CSTL1: variants seen among roughly 807,000 people sequenced by gnomAD.
CSTL1 encodes the protein cystatin like 1, also known as cystatin-like 1.
In CSTL1, 14 loss-of-function variants were observed where a neutral mutation model predicts 14.4. The ratio of observed to expected loss-of-function variants is 0.97; its 90% CI spans 0.64 to 1.52. The LOEUF is 1.52. CSTL1 is among the 40% of genes most tolerant of loss of function. CSTL1 has a pLI of 0.00. For synonymous variants in CSTL1, 72 were observed against 67.5 expected, an observed-to-expected ratio of 1.07 and a Z score of -0.33; for missense variants, 170 against 168.7, an observed-to-expected ratio of 1.01 and a Z score of -0.04.
chr20:23,454,545 T>C, the CSTL1 span, among the ~76,000 whole-genome samples: 6 of 152,164 alleles, frequency 3.9e-5, no homozygotes, highest in Admixed American at 3.3e-4. Flanking sequence ...GGAGCGCACA[T>C]CCTCCATGCC....
the CSTL1 span, chr20:23,450,730 G>T: frequency 1.9e-6 from 1 of 525,470 alleles, no homozygotes. Flanking sequence ...CAAACAGAAG[G>T]ACATTTTCTG....
chr20:23,460,554 T>A, the CSTL1 span, among the ~76,000 whole-genome samples: 3 of 152,226 alleles, frequency 2.0e-5, no homozygotes, highest in African/African-American at 7.2e-5. Flanking sequence ...CAAGTCTCAA[T>A]CATTTTTGGA....
chr20:23,440,359 T>A lies in CSTL1; in HGVS notation c.92T>A (p.Phe31Tyr). Residue 31 changes from phenylalanine (F) to tyrosine (Y), a missense_variant, in exon 2 of 4, where the codon TTC (phenylalanine) becomes TAC (tyrosine). Coordinates refer to ENST00000347397, the MANE Select transcript of CSTL1 (RefSeq NM_138283.1). ...KLGHFQRWEGFQQKLMSKKNM... is the reference protein window; with the variant it reads ...KLGHFQRWEGYQQKLMSKKNM... The stretch of plus-strand genomic sequence containing the variant: ...GGTCACTTCCAAAGGTGGGAGGGCT[T>A]CCAGCAGAAGCTCATGAGCAAGAAG... 1 of 1,614,228 alleles carries A rather than the reference T, an allele frequency of 6.2e-7. No homozygotes were observed. Among genetic ancestry groups the A allele is most frequent in the Non-Finnish European group, 8.5e-7 (1 of 1,180,042 alleles).
At position 23,440,291 on chromosome 20, in the gene CSTL1, C is replaced by A. The variant is rs765909056; in HGVS notation, c.24C>A (p.Asn8Lys). Residue 8 changes from asparagine (N) to lysine (K), a missense_variant, in exon 2 of 4, where the codon AAC (asparagine) becomes AAA (lysine). Transcript: ENST00000347397. Reference protein sequence around the residue: MGIGCWRNPLLLLIALVL... With the variant: MGIGCWRKPLLLLIALVL... Reference sequence around the variant, plus strand: ...ACATGGGGATCGGATGCTGGAGAAACCCCCTGCTGCTGCTGATTGCCCTGG... The same window carrying A: ...ACATGGGGATCGGATGCTGGAGAAAACCCCTGCTGCTGCTGATTGCCCTGG... 31 of 1,614,018 alleles carry A rather than the reference C, an allele frequency of 1.9e-5. No homozygotes were observed. Among genetic ancestry groups the A allele is most frequent in the Middle Eastern group, 1.6e-4 (1 of 6,078 alleles).
downstream of CSTL1, among the ~76,000 whole-genome samples, chr20:23,449,486 G>T (rs1439817660): frequency 6.6e-6 from 1 of 152,164 alleles, no homozygotes; most frequent in Non-Finnish European, 1.5e-5. Flanking sequence ...CAAGGCTTTT[G>T]CTTGAGCTCT....
At chr20:23,444,216 G>A (rs575110917) in intron 3 of CSTL1, among the ~76,000 whole-genome samples, 172 bp downstream of exon 3, 1 of 152,336 alleles carries the variant, frequency 6.6e-6, no homozygotes, top group East Asian at 1.9e-4. Context: ...CTTTATATTT[G>A]GGCTGGTACA....
downstream of CSTL1, chr20:23,445,054 C>T (rs527741721): frequency 2.3e-5 from 15 of 640,094 alleles, no homozygotes; most frequent in South Asian, 2.3e-4. Context: ...ATACTCACGA[C>T]ACCCTCACAC....
rs1439410066 is a variant in CSTL1, at chr20:23,439,824, C to T, written c.-125+18C>T. The T allele has an allele frequency of 1.0e-5, 2 of 191,312 alleles. No homozygotes were observed. Among genetic ancestry groups the T allele is most frequent in the African/African-American group, 4.6e-5 (2 of 43,252 alleles). The allele number at this position is 191,312 out of a possible 1,614,324, so 11.9% of individuals were successfully genotyped here. On this transcript the variant is annotated intron_variant, in intron 1 of 3. Transcript: ENST00000347397. The stretch of plus-strand genomic sequence containing the variant: ...CAAGGAAGGTAAGAATAATGTACCA[C>T]TCCTTGCTCCATATGACTGCTTCCT...
the CSTL1 span, among the ~76,000 whole-genome samples, chr20:23,452,225 T>C: frequency 1.3e-5 from 2 of 152,316 alleles, no homozygotes; most frequent in Admixed American, 1.3e-4. Flanking sequence ...ATAGTAAACA[T>C]CTTACGTTTT....
chr20:23,444,745 A>G, intron 3 of CSTL1, 26 bp from the exon 4 acceptor site: 1 of 1,504,766 alleles, frequency 6.6e-7, no homozygotes, highest in Admixed American at 1.7e-5. Context: ...CTTCCCCCAA[A>G]GTCTGTTTTC....
chr20:23,444,722 C>T (rs372307650), intron 3 of CSTL1, 49 bp from the exon 4 acceptor site: 1 of 1,305,744 alleles, frequency 7.7e-7, no homozygotes, highest in Non-Finnish European at 1.1e-6. Context: ...CTGTTGCTTG[C>T]CTTTGAAAAA....
the CSTL1 span, among the ~76,000 whole-genome samples, chr20:23,455,609 C>A: frequency 6.6e-6 from 1 of 152,194 alleles, no homozygotes; most frequent in Non-Finnish European, 1.5e-5. Context: ...TGCAGCTGTG[C>A]AGAACTGGCA....
the CSTL1 span, chr20:23,451,883 A>C: frequency 5.0e-6 from 8 of 1,614,012 alleles, no homozygotes; most frequent in Non-Finnish European, 6.8e-6. Context: ...GGTCCACTGC[A>C]TTTCCACATT....
At chr20:23,440,026 T>A in intron 1 of CSTL1, 118 bp from the exon 2 acceptor site, 1 of 531,542 alleles carries the variant, frequency 1.9e-6, no homozygotes, top group Non-Finnish European at 3.4e-6. Context: ...AGCAGGTGTT[T>A]AAAAATTTTG....
downstream of CSTL1, among the ~76,000 whole-genome samples, chr20:23,446,250 TTTC>T (rs1397933129): frequency 6.7e-6 from 1 of 149,366 alleles, no homozygotes; most frequent in East Asian, 2.0e-4. Flanking sequence ...GCAGCCTTTC[TTTC>T]TTTTTTTTTT....
At chr20:23,442,694 C>T (rs1362407705) in intron 2 of CSTL1, among the ~76,000 whole-genome samples, 3 of 152,124 alleles carry the variant, frequency 2.0e-5, no homozygotes, top group Admixed American at 2.0e-4. Flanking sequence ...CTCCCTGCTG[C>T]CCTGTCCCAG....
At chr20:23,451,592 C>T in the CSTL1 span, among the ~76,000 whole-genome samples, 1 of 152,200 alleles carries the variant, frequency 6.6e-6, no homozygotes, top group South Asian at 2.1e-4. Flanking sequence ...ACTCCTCTCT[C>T]TGGACATGTT....
Position 23,444,851 on chromosome 20 carries a change from C to T in CSTL1, c.411C>T (p.Ala137=), listed in dbSNP as rs750412994. ...TCTGGAACAATTCCTGTCTGGAGGC[C>T]GAGCATGTGGGCAGAAACCTCAGAT... ...FQLWNNSCLE[A]EHVGRNLR Residue 137 remains alanine, a synonymous_variant, in exon 4 of 4, where the codon GCC becomes GCT. Transcript: ENST00000347397. The T allele has an allele frequency of 3.3e-5, 54 of 1,613,442 alleles. No individual in the cohort carries two copies. Among genetic ancestry groups the T allele is most frequent in the East Asian group, 4.5e-5 (2 of 44,902 alleles).
Position 23,440,210 on chromosome 20 carries a change from C to G in CSTL1, c.-58C>G, listed in dbSNP as rs535421551. Reference sequence around the variant, plus strand: ...GATGGGAGAATGAGTGAACTGCAGCCTGGCACCACCACACCCTGGAAGGTG... The same window carrying G: ...GATGGGAGAATGAGTGAACTGCAGCGTGGCACCACCACACCCTGGAAGGTG... On this transcript the variant is annotated 5_prime_UTR_variant, in exon 2 of 4. Transcript: ENST00000347397. 48 of 1,570,840 alleles carry G rather than the reference C, an allele frequency of 3.1e-5. No individual in the cohort carries two copies. In the African/African-American group the frequency reaches 4.7e-4, roughly 15 times the overall value.
Sources: allele counts gnomAD v4.1 joint callset (sites outside exome capture counted in the v4.1 genomes callset), GRCh38; gene constraint gnomAD v4.1.1; transcripts MANE v1.5; gene names NCBI Gene and HGNC (gene_info 2026-07-23, HGNC 2026-07-21).